The following TTL variants were observed in gnomAD, a reference collection of about 807,000 sequenced individuals.
The protein encoded by TTL is tubulin--tyrosine ligase.
In TTL, 10 loss-of-function variants were observed where a neutral mutation model predicts 41.1. The observed-to-expected ratio is 0.24, with a 90% confidence interval of 0.15 to 0.41. TTL has a LOEUF of 0.41. Among genes scored for constraint, TTL ranks in the 10% least tolerant of loss-of-function variants. The probability of loss-of-function intolerance (pLI) is 1.00; values close to 1 mark genes in which losing one functional copy is unlikely to be tolerated. For synonymous variants in TTL, 175 were observed against 175.5 expected, an observed-to-expected ratio of 1.00 and a Z score of 0.02; for missense variants, 367 against 460.4, an observed-to-expected ratio of 0.80 and a Z score of 1.86.
At chr2:112,522,743 C>G (rs936055080) in intron 6 of TTL, among the ~76,000 whole-genome samples, 2 of 152,188 alleles carry the variant, frequency 1.3e-5, no homozygotes, top group African/African-American at 4.8e-5. Flanking sequence ...AAGCTCGAAC[C>G]TGACAGTGAT....
chr2:112,486,515 G>C (rs538869265), intron 2 of TTL, among the ~76,000 whole-genome samples: 5 of 152,236 alleles, frequency 3.3e-5, no homozygotes, highest in Admixed American at 3.3e-4. Context: ...TATATAGCCC[G>C]TAGCATCCTT....
intron 5 of TTL, among the ~76,000 whole-genome samples, chr2:112,511,739 AT>A (rs777155120): frequency 1.3e-3 from 169 of 128,696 alleles, no homozygotes; most frequent in South Asian, 2.0e-3. Flanking sequence ...TAATTTTTGT[AT>A]TTTTTTTTTT....
Position 112,533,782 on chromosome 2 carries a change from G to C in TTL, c.*4987G>C, listed in dbSNP as rs1033653896. The C allele has an allele frequency of 6.6e-6, 1 of 152,184 alleles. No homozygotes were observed. The highest frequency in any genetic ancestry group is 1.5e-5 in the Non-Finnish European group (1 of 68,044). 9.4% of individuals were successfully genotyped at this position (152,184 alleles called of 1,614,324 possible). ...CACCTCTCAACACTATTGCAGTAGA[G>C]ATTAAGTTTCCAACACATTTACTTT... On this transcript the variant is annotated 3_prime_UTR_variant, in exon 7 of 7. Coordinates refer to ENST00000233336, the MANE Select transcript of TTL (RefSeq NM_153712.5).
chr2:112,501,372 T>C, intron 4 of TTL, 31 bp downstream of exon 4: 3 of 1,531,864 alleles, frequency 2.0e-6, no homozygotes, highest in Non-Finnish European at 2.7e-6. Flanking sequence ...GCTTTTGTTT[T>C]TATTCATCTG....
chr2:112,523,350 CTG>C (rs60321232), intron 6 of TTL, among the ~76,000 whole-genome samples: 132 of 149,850 alleles, frequency 8.8e-4, no homozygotes, highest in African/African-American at 2.7e-3. Flanking sequence ...GTGTGTGTGT[CTG>C]TGTGTGTGTG....
At chr2:112,488,037 T>G (rs1681288721) in intron 2 of TTL, among the ~76,000 whole-genome samples, 1 of 152,208 alleles carries the variant, frequency 6.6e-6, no homozygotes, top group Non-Finnish European at 1.5e-5. Flanking sequence ...CCATTGTGAC[T>G]GTGCACCCTT....
chr2:112,520,136 A>AG (rs1242553496), intron 5 of TTL, 146 bp from the exon 6 acceptor site: 1 of 1,000,406 alleles, frequency 1.0e-6, no homozygotes, highest in African/African-American at 1.7e-5. Flanking sequence ...GTCTCAAAAA[A>AG]AAAAAAAAAA....
rs926306037 is a variant in TTL, at chr2:112,539,389, T to C, written c.*10594T>C. On this transcript the variant is annotated 3_prime_UTR_variant, in exon 7 of 7. Coordinates refer to ENST00000233336, the MANE Select transcript of TTL (RefSeq NM_153712.5). ...CATACAAAATTTACTTAATATAATA[T>C]ACCACTTTAATAGAAAAAAGAGGAC... 2 of 152,056 alleles carry C rather than the reference T, an allele frequency of 1.3e-5. No individual in the cohort carries two copies. Among genetic ancestry groups the C allele is most frequent in the Non-Finnish European group, 2.9e-5 (2 of 68,014 alleles). The allele number at this position is 152,056 out of a possible 1,614,324, so 9.4% of individuals were successfully genotyped here.
At chr2:112,490,956 T>G (rs1001735987) in intron 2 of TTL, among the ~76,000 whole-genome samples, 3 of 152,062 alleles carry the variant, frequency 2.0e-5, no homozygotes, top group African/African-American at 7.2e-5. Context: ...TAAAATTCTG[T>G]GACAGATGTA....
chr2:112,518,728 G>A (rs2104471799), intron 5 of TTL, among the ~76,000 whole-genome samples: 1 of 149,166 alleles, frequency 6.7e-6, no homozygotes, highest in Middle Eastern at 3.4e-3. Flanking sequence ...AGGCTGGAGT[G>A]AAGTGGCACA....
Position 112,482,268 on chromosome 2 carries a change from G to A in TTL, c.-77G>A, listed in dbSNP as rs1362132486. ...GGGCCGCGGCGGGCGCCCGGGCGGG[G>A]TCCGCGCTGAGCCGCCTTCTCGGCC... is the stretch of plus-strand genomic sequence containing the variant. On this transcript the variant is annotated 5_prime_UTR_variant, in exon 1 of 7. Coordinates refer to ENST00000233336, the MANE Select transcript of TTL (RefSeq NM_153712.5). This position sits in a 1 kb window ranked among gnomAD's most constrained non-coding sequence, Gnocchi z 5.3. The A allele has an allele frequency of 9.9e-6, 10 of 1,009,888 alleles. No individual in the cohort carries two copies. In the African/African-American group the frequency reaches 1.1e-4, roughly 11 times the overall value. 62.6% of individuals were successfully genotyped at this position (1,009,888 alleles called of 1,614,324 possible).
In TTL at chr2:112,482,230, GGCGGCGGGGGCCGGGCC is replaced by G. The variant is rs1401887369; in HGVS notation, c.-106_-90del. ...CCCGAGAGGCGCGGTAGCCGGCGCG[GGCGGCGGGGGCCGGGCC>G]GCGGCGGGCGCCCGGGCGGGGTCCG... On this transcript the variant is annotated 5_prime_UTR_variant, in exon 1 of 7. Coordinates refer to ENST00000233336, the MANE Select transcript of TTL (RefSeq NM_153712.5). This position sits in a 1 kb window ranked among gnomAD's most constrained non-coding sequence, Gnocchi z 5.3. 6 of 782,136 alleles carry G rather than the reference GGCGGCGGGGGCCGGGCC, an allele frequency of 7.7e-6. No homozygotes were observed. The African/African-American group carries it at 1.1e-4, about 15-fold the overall frequency. The allele number at this position is 782,136 out of a possible 1,614,324, so 48.4% of individuals were successfully genotyped here.
chr2:112,511,097 A>C (rs1681908440), intron 5 of TTL, among the ~76,000 whole-genome samples: 1 of 152,092 alleles, frequency 6.6e-6, no homozygotes. Flanking sequence ...GGTTTGCTGC[A>C]GCCTTAACCT....
At chr2:112,502,389 C>T (rs1252328460) in intron 4 of TTL, among the ~76,000 whole-genome samples, 1 of 152,118 alleles carries the variant, frequency 6.6e-6, no homozygotes, top group African/African-American at 2.4e-5. Flanking sequence ...GTAATCCCAG[C>T]ACTTTGAGAG....
Position 112,529,882 on chromosome 2 carries a change from G to C in TTL, c.*1087G>C, listed in dbSNP as rs1682465190. On this transcript the variant is annotated 3_prime_UTR_variant, in exon 7 of 7. Transcript: ENST00000233336. ...AGTCTTCTAAAATGGGAAAGAAGTG[G>C]TTTCATCTCCACACAGTGTCTTGTA... The C allele has an allele frequency of 4.5e-6, 1 of 224,388 alleles. No individual in the cohort carries two copies. Among genetic ancestry groups the C allele is most frequent in the Non-Finnish European group, 8.9e-6 (1 of 112,550 alleles). 13.9% of individuals were successfully genotyped at this position (224,388 alleles called of 1,614,324 possible). A position where few individuals can be genotyped will look rare whatever the true frequency, so the allele number is the denominator to read the frequency against.
chr2:112,529,703 C>G lies in TTL; in HGVS notation c.*908C>G. ...GTAAAATTCCACTCCCCAAGTGGCC[C>G]TGCCCCAGACAAAGGTTGCTTTCCC... On this transcript the variant is annotated 3_prime_UTR_variant, in exon 7 of 7. Coordinates refer to ENST00000233336, the MANE Select transcript of TTL (RefSeq NM_153712.5). The G allele has an allele frequency of 4.5e-6, 1 of 222,046 alleles. No homozygotes were observed. The highest frequency in any genetic ancestry group is 6.6e-5 in the East Asian group (1 of 15,104). The allele number at this position is 222,046 out of a possible 1,614,324, so 13.8% of individuals were successfully genotyped here. A position where few individuals can be genotyped will look rare whatever the true frequency, so the allele number is the denominator to read the frequency against.
chr2:112,521,631 C>T (rs927093157), intron 6 of TTL, among the ~76,000 whole-genome samples: 1 of 152,208 alleles, frequency 6.6e-6, no homozygotes, highest in Non-Finnish European at 1.5e-5. Context: ...CCATCTTGTT[C>T]ATCAGTCTCT....
At position 112,494,369 on chromosome 2, in the gene TTL, G is replaced by T; in HGVS notation, c.463G>T (p.Ala155Ser). The change falls in exon 3 of 7, where the codon GCC becomes TCC. Residue 155 changes from alanine to serine, a missense_variant. Ala to Ser is a moderately conservative substitution (Grantham distance 99). Coordinates refer to ENST00000233336, the MANE Select transcript of TTL (RefSeq NM_153712.5). ...NVWIAKSSAG[A>S]KGEGILISSE... is the part of the protein sequence containing the mutation. ...TTGGATTGCAAAGTCATCAGCCGGTGCCAAAGGTGAGTTGGCACTGCTGTC... is the reference window on the plus strand; with the variant it reads ...TTGGATTGCAAAGTCATCAGCCGGTTCCAAAGGTGAGTTGGCACTGCTGTC... The T allele has an allele frequency of 6.2e-7, 1 of 1,613,388 alleles. No individual in the cohort carries two copies. The highest frequency in any genetic ancestry group is 8.5e-7 in the Non-Finnish European group (1 of 1,179,626).
chr2:112,514,208 C>G, intron 5 of TTL, among the ~76,000 whole-genome samples: 1 of 151,906 alleles, frequency 6.6e-6, no homozygotes, highest in Admixed American at 6.6e-5. Context: ...ATGCTGAAAC[C>G]CCATCTCTAC....
Sources: allele counts gnomAD v4.1 joint callset (sites outside exome capture counted in the v4.1 genomes callset), GRCh38; gene constraint gnomAD v4.1.1; non-coding constraint Gnocchi (gnomAD v3.1); transcripts MANE v1.5; gene names NCBI Gene and HGNC (gene_info 2026-07-23, HGNC 2026-07-21).